Variants in GNG7 observed in about 807,000 individuals in gnomAD.
The protein encoded by GNG7 is G protein subunit gamma 7, also known as guanine nucleotide-binding protein G(I)/G(S)/G(O) subunit gamma-7.
Under a neutral mutation model 4.0 loss-of-function variants are expected in GNG7, and 1 was observed. The observed-to-expected ratio is 0.25, with a 90% CI of 0.09 to 1.18. GNG7 has a LOEUF of 1.18. Ranked by LOEUF, GNG7 falls within the 50% of genes most tolerant of loss-of-function variation. GNG7 has a pLI of 0.50. For missense variants in GNG7, 86 were observed against 91.9 expected (o/e 0.94, Z 0.26); for synonymous variants, 34 against 36.9 (o/e 0.92, Z 0.29).
At chr19:2,698,378 A>G (rs539581853) in intron 1 of GNG7, among the ~76,000 whole-genome samples, 1 of 152,210 alleles carries the variant, frequency 6.6e-6, no homozygotes, top group African/African-American at 2.4e-5. Context: ...AGCCTGGGCA[A>G]TATGGTGAAA....
chr19:2,539,505 A>G (rs951808013), intron 3 of GNG7, among the ~76,000 whole-genome samples: 1 of 151,784 alleles, frequency 6.6e-6, no homozygotes, highest in African/African-American at 2.4e-5. Flanking sequence ...GGGTTTCACC[A>G]TGTTGGCCAG....
rs1489226674 is a variant in GNG7 at position 2,515,108 on chromosome 19, G to T, written c.121C>A (p.Gln41Lys). The change falls in exon 5 of 5, where the codon CAA (glutamine) becomes AAA (lysine). Residue 41 changes from glutamine to lysine, a missense_variant. By Grantham distance (53) the Gln-to-Lys change is moderately conservative. Coordinates refer to ENST00000382159, the MANE Select transcript of GNG7 (RefSeq NM_052847.3). ...AGCAGGGGGTCGTTCCGGGCATGTT[G>T]CTCACAGTAGCTCATGAGGTCAGAC... is the stretch of plus-strand genomic sequence containing the variant. ...AASDLMSYCE[Q>K]HARNDPLLVG... 6.2e-7 allele frequency: 1 copy of T among 1,613,824 alleles called. No homozygotes were observed. Among genetic ancestry groups the T allele is most frequent in the Admixed American group, 1.7e-5 (1 of 60,018 alleles).
chr19:2,546,726 G>T lies in GNG7; in HGVS notation c.-38+8423C>A, dbSNP rs1051734182. 6.6e-6 allele frequency among the ~76,000 whole-genome samples: 1 copy of T among 152,220 alleles called. No homozygotes were observed. Among genetic ancestry groups the T allele is most frequent in the Non-Finnish European group, 1.5e-5 (1 of 68,046 alleles). Reference sequence around the variant, plus strand: ...GACGACAGAGGGTGACGCGCCGCCAGTGTGGGTTTGGTCGCCGCGGTGACG... The same window carrying T: ...GACGACAGAGGGTGACGCGCCGCCATTGTGGGTTTGGTCGCCGCGGTGACG... On this transcript the variant is annotated intron_variant, in intron 3 of 4. Transcript: ENST00000382159. This position sits in a 1 kb window ranked among gnomAD's most constrained non-coding sequence, Gnocchi z 6.3.
intron 1 of GNG7, among the ~76,000 whole-genome samples, chr19:2,657,361 A>AAAAT (rs1555701153): frequency 3.1e-4 from 5 of 16,330 alleles, no homozygotes; most frequent in East Asian, 2.2e-3. Context: ...AAAAAAAAAA[A>AAAAT]ATATATATAT....
intron 2 of GNG7, among the ~76,000 whole-genome samples, chr19:2,638,016 C>T (rs1289930977): frequency 6.6e-6 from 1 of 152,142 alleles, no homozygotes; most frequent in African/African-American, 2.4e-5. Context: ...CACCATCTGC[C>T]CCATCGGGAG....
chr19:2,701,310 GT>G, intron 1 of GNG7: 1 of 151,280 alleles, frequency 6.6e-6, no homozygotes, highest in Non-Finnish European at 1.5e-5. Context: ...CCCACACCCC[GT>G]TTTCCTCCTG....
intron 1 of GNG7, among the ~76,000 whole-genome samples, chr19:2,698,578 A>G (rs1292274127): frequency 6.6e-6 from 1 of 152,126 alleles, no homozygotes; most frequent in Non-Finnish European, 1.5e-5. Context: ...AAGAAAAAAA[A>G]AAGAAAGAAA....
At chr19:2,605,366 T>G (rs1202453199) in intron 2 of GNG7, among the ~76,000 whole-genome samples, 6 of 151,482 alleles carry the variant, frequency 4.0e-5, no homozygotes, top group Non-Finnish European at 8.8e-5. Context: ...GCCCAGCTAA[T>G]TTTTGTATTA....
At chr19:2,643,217 C>T (rs994242585) in intron 2 of GNG7, 6 of 450,336 alleles carry the variant, frequency 1.3e-5, no homozygotes, top group Admixed American at 1.2e-4. Flanking sequence ...CGGCCTTGCA[C>T]TGTCCGCACT....
intron 2 of GNG7, among the ~76,000 whole-genome samples, chr19:2,607,562 TAA>T (rs57077280): frequency 0.04 from 4,391 of 110,564 alleles, 102 homozygotes; most frequent in African/African-American, 0.075. Context: ...ACTAAAATGG[TAA>T]AAAAAAAAAA....
chr19:2,619,163 A>C (rs1293082050), intron 2 of GNG7, among the ~76,000 whole-genome samples: 9 of 152,240 alleles, frequency 5.9e-5, no homozygotes, highest in African/African-American at 2.2e-4. Flanking sequence ...GAAGGCATAT[A>C]AACAAAAGCT....
chr19:2,544,840 C>T (rs972665829), intron 3 of GNG7, among the ~76,000 whole-genome samples: 7 of 151,694 alleles, frequency 4.6e-5, no homozygotes, highest in African/African-American at 1.7e-4. Flanking sequence ...CCGTAAGTGC[C>T]CAGCACAGCC....
At chr19:2,592,798 GAGAAAGAA>G (rs142584590) in intron 2 of GNG7, among the ~76,000 whole-genome samples, 2 of 95,700 alleles carry the variant, frequency 2.1e-5, no homozygotes, top group East Asian at 6.8e-4. Context: ...GGAGGGAAGA[GAGAAAGAA>G]AGAAAGAAAG....
intron 2 of GNG7, among the ~76,000 whole-genome samples, chr19:2,584,007 A>G (rs1284851013): frequency 6.6e-6 from 1 of 152,188 alleles, no homozygotes; most frequent in Non-Finnish European, 1.5e-5. Flanking sequence ...CATGTTTGGA[A>G]GAACTAAAAG....
At chr19:2,537,582 T>A (rs1431168435) in intron 3 of GNG7, among the ~76,000 whole-genome samples, 1 of 152,138 alleles carries the variant, frequency 6.6e-6, no homozygotes, top group African/African-American at 2.4e-5. Context: ...TCATAATATA[T>A]AAATGTAATC....
intron 3 of GNG7, among the ~76,000 whole-genome samples, chr19:2,526,139 T>G (rs929335560): frequency 6.6e-6 from 1 of 151,888 alleles, no homozygotes; most frequent in Non-Finnish European, 1.5e-5. Context: ...CCTGGCTAAT[T>G]TTTTATATTT....
intron 1 of GNG7, among the ~76,000 whole-genome samples, chr19:2,658,971 G>A (rs991199278): frequency 3.6e-5 from 5 of 140,376 alleles, no homozygotes; most frequent in African/African-American, 1.1e-4. Flanking sequence ...CAAGCGTTCT[G>A]ATTTTTTTTT....
At chr19:2,589,221 C>T (rs746742947) in intron 2 of GNG7, among the ~76,000 whole-genome samples, 1 of 149,792 alleles carries the variant, frequency 6.7e-6, no homozygotes, top group Non-Finnish European at 1.5e-5. Context: ...AGCCACCACG[C>T]CCGGCCGTCT....
At chr19:2,588,157 G>A (rs753285389) in intron 2 of GNG7, among the ~76,000 whole-genome samples, 12 of 152,138 alleles carry the variant, frequency 7.9e-5, no homozygotes, top group Non-Finnish European at 5.9e-5. Context: ...GCAGAAATAC[G>A]GCACTTCACA....
Sources: allele counts gnomAD v4.1 joint callset (sites outside exome capture counted in the v4.1 genomes callset), GRCh38; gene constraint gnomAD v4.1.1; non-coding constraint Gnocchi (gnomAD v3.1); transcripts MANE v1.5; gene names NCBI Gene and HGNC (gene_info 2026-07-23, HGNC 2026-07-21).